Variants in B3GALT6 observed in about 807,000 individuals in gnomAD.
B3GALT6 encodes the protein beta-1,3-galactosyltransferase 6, also known as GAG GalTII.
A neutral mutation model predicts 23.3 loss-of-function variants in B3GALT6; 27 were observed. That is an observed-to-expected ratio of 1.16 (90% CI 0.85 to 1.60). The LOEUF (loss-of-function observed/expected upper bound fraction) is 1.60. Ranked by LOEUF, B3GALT6 falls within the 40% of genes most tolerant of loss-of-function variation. The probability of loss-of-function intolerance (pLI) is 0.00; values close to 1 mark genes in which losing one functional copy is unlikely to be tolerated. For synonymous variants in B3GALT6, 313 were observed against 232.3 expected, an observed-to-expected ratio of 1.35 and a Z score of -3.16; for missense variants, 554 against 471.1, an observed-to-expected ratio of 1.18 and a Z score of -1.63.
rs927530328 is a variant in B3GALT6, at chr1:1,233,289, C to T, written c.*21C>T. ...CCTGAGCCGCCGCGGCCCGGCCCTC[C>T]GGGACACCTGCTTCACCCGGCGGCG... On this transcript the variant is annotated 3_prime_UTR_variant, in exon 1 of 1. Coordinates refer to ENST00000379198, the MANE Select transcript of B3GALT6 (RefSeq NM_080605.4). 1.8e-5 allele frequency: 25 copies of T among 1,417,860 alleles called. No individual in the cohort carries two copies. In the African/African-American group the frequency reaches 2.3e-4, roughly 13 times the overall value. 87.8% of individuals were successfully genotyped at this position (1,417,860 alleles called of 1,614,324 possible).
rs867336520 is a variant in B3GALT6, at chr1:1,232,387, G to A, written c.109G>A (p.Gly37Arg). ...LYLARCAAEP[G>R]DPRAMSGRSP... ...CCTGGCGCGCTGCGCGGCCGAGCCC[G>A]GGGACCCCAGGGCGATGTCGGGCCG... Residue 37 changes from glycine (G) to arginine (R), a missense_variant, in exon 1 of 1, where the codon GGG becomes AGG. Transcript: ENST00000379198. 8.8e-4 allele frequency: 865 copies of A among 986,318 alleles called. 6 individuals carry two copies. The African/African-American group carries it at 0.014, about 16-fold the overall frequency. 61.1% of individuals were successfully genotyped at this position (986,318 alleles called of 1,614,324 possible).
In B3GALT6 at chr1:1,233,569, C is replaced by G. The variant is rs1260572769; in HGVS notation, c.*301C>G. Reference sequence around the variant, plus strand: ...GGCTCCGATCTTCCGTGTCTCTTATCAGTGGCGTTTCTCACGTCTGCGTCT... The same window carrying G: ...GGCTCCGATCTTCCGTGTCTCTTATGAGTGGCGTTTCTCACGTCTGCGTCT... On this transcript the variant is annotated 3_prime_UTR_variant, in exon 1 of 1. Coordinates refer to ENST00000379198, the MANE Select transcript of B3GALT6 (RefSeq NM_080605.4). The G allele has an allele frequency of 5.9e-6, 2 of 338,438 alleles. No homozygotes were observed. Among genetic ancestry groups the G allele is most frequent in the Non-Finnish European group, 1.1e-5 (2 of 177,780 alleles). The allele number at this position is 338,438 out of a possible 1,614,324, so 21.0% of individuals were successfully genotyped here.
Position 1,233,483 on chromosome 1 carries a change from C to T in B3GALT6, c.*215C>T, listed in dbSNP as rs2100995299. On this transcript the variant is annotated 3_prime_UTR_variant, in exon 1 of 1. Transcript: ENST00000379198. ...GTGCCCGTTCCTGGACCTCAGCGAGCCTGAGCCGGGCCCGGCCGCACGCTG... is the reference window on the plus strand; with the variant it reads ...GTGCCCGTTCCTGGACCTCAGCGAGTCTGAGCCGGGCCCGGCCGCACGCTG... 1.7e-6 allele frequency: 1 copy of T among 580,028 alleles called. No homozygotes were observed. The highest frequency in any genetic ancestry group is 3.9e-5 in the East Asian group (1 of 25,902). The allele number at this position is 580,028 out of a possible 1,614,324, so 35.9% of individuals were successfully genotyped here. A position where few individuals can be genotyped will look rare whatever the true frequency, so the allele number is the denominator to read the frequency against.
At position 1,232,446 on chromosome 1, in the gene B3GALT6, C is replaced by A. The variant is rs1570498036; in HGVS notation, c.168C>A (p.Ala56=). Residue 56 remains alanine (A), a synonymous_variant, in exon 1 of 1, where the codon GCC becomes GCA. Coordinates refer to ENST00000379198, the MANE Select transcript of B3GALT6 (RefSeq NM_080605.4). The stretch of plus-strand genomic sequence containing the variant: ...CTCCCCCCGCGCCCGCGCGCGCCGC[C>A]GCCTTCCTGGCAGTGCTGGTGGCCA... ...SPPPPAPARA[A]AFLAVLVASA... The A allele has an allele frequency of 7.0e-6, 7 of 999,744 alleles. No individual in the cohort carries two copies. The highest frequency in any genetic ancestry group is 8.3e-6 in the Non-Finnish European group (7 of 841,080). The allele number at this position is 999,744 out of a possible 1,614,324, so 61.9% of individuals were successfully genotyped here. A position where few individuals can be genotyped will look rare whatever the true frequency, so the allele number is the denominator to read the frequency against.
rs568093524 is a variant in B3GALT6 at position 1,233,741 on chromosome 1, G to A, written c.*473G>A. 8.4e-4 allele frequency: 143 copies of A among 171,134 alleles called. No individual in the cohort carries two copies. Among genetic ancestry groups the A allele is most frequent in the African/African-American group, 3.2e-3 (133 of 41,740 alleles). 10.6% of individuals were successfully genotyped at this position (171,134 alleles called of 1,614,324 possible). On this transcript the variant is annotated 3_prime_UTR_variant, in exon 1 of 1. Transcript: ENST00000379198. ...GTCGATGAGTGTAAGTTGGCAGTGCGCACGTCTCGGTTTTTTTACATGATT... is the reference window on the plus strand; with the variant it reads ...GTCGATGAGTGTAAGTTGGCAGTGCACACGTCTCGGTTTTTTTACATGATT...
chr1:1,232,968 C>A lies in B3GALT6; in HGVS notation c.690C>A (p.Leu230=). The A allele has an allele frequency of 6.4e-7, 1 of 1,563,394 alleles. No homozygotes were observed. Among genetic ancestry groups the A allele is most frequent in the East Asian group, 2.4e-5 (1 of 42,376 alleles). The part of the protein sequence containing the change: ...LSADLVHYLR[L]SRDYLRAWHS... ...CCGACCTGGTGCACTACCTGCGCCT[C>A]AGCCGCGACTACCTGCGCGCCTGGC... Residue 230 remains leucine (L), a synonymous_variant, in exon 1 of 1, where the codon CTC becomes CTA. Transcript: ENST00000379198.
rs868213499 is a variant in B3GALT6, at chr1:1,232,564, G to A, written c.286G>A (p.Val96Met). The A allele has an allele frequency of 1.4e-5, 16 of 1,180,260 alleles. No homozygotes were observed. Among genetic ancestry groups the A allele is most frequent in the Non-Finnish European group, 1.6e-5 (15 of 955,342 alleles). 73.1% of individuals were successfully genotyped at this position (1,180,260 alleles called of 1,614,324 possible). A position where few individuals can be genotyped will look rare whatever the true frequency, so the allele number is the denominator to read the frequency against. ...GGGCGACGTGTGGGCGCGCTTTGCC[G>A]TGGGCACGGCCGGCCTGGGCGCCGA... The part of the protein sequence containing the change: ...APGDVWARFA[V>M]GTAGLGAEER... Residue 96 changes from valine to methionine, a missense_variant, in exon 1 of 1, where the codon GTG (valine) becomes ATG (methionine). Coordinates refer to ENST00000379198, the MANE Select transcript of B3GALT6 (RefSeq NM_080605.4).
chr1:1,233,484 C>T lies in B3GALT6; in HGVS notation c.*216C>T, dbSNP rs1331963551. On this transcript the variant is annotated 3_prime_UTR_variant, in exon 1 of 1. Transcript: ENST00000379198. ...TGCCCGTTCCTGGACCTCAGCGAGC[C>T]TGAGCCGGGCCCGGCCGCACGCTGA... The T allele has an allele frequency of 1.8e-6, 1 of 570,384 alleles. No individual in the cohort carries two copies. Among genetic ancestry groups the T allele is most frequent in the Non-Finnish European group, 2.8e-6 (1 of 361,340 alleles). 35.3% of individuals were successfully genotyped at this position (570,384 alleles called of 1,614,324 possible). A position where few individuals can be genotyped will look rare whatever the true frequency, so the allele number is the denominator to read the frequency against.
At position 1,234,287 on chromosome 1, in the gene B3GALT6, C is replaced by G. The variant is rs1163661066; in HGVS notation, c.*1019C>G. On this transcript the variant is annotated 3_prime_UTR_variant, in exon 1 of 1. Transcript: ENST00000379198. ...CCGGGTCCAGTCTGGGGTCTAGTCT[C>G]GAGCATCAGGGTCAGGCTCGGGGCA... 1.2e-5 allele frequency: 2 copies of G among 166,884 alleles called. No homozygotes were observed. Among genetic ancestry groups the G allele is most frequent in the East Asian group, 3.8e-4 (2 of 5,202 alleles). 10.3% of individuals were successfully genotyped at this position (166,884 alleles called of 1,614,324 possible).
chr1:1,233,150 C>T lies in B3GALT6; in HGVS notation c.872C>T (p.Ala291Val). 1 of 1,551,632 alleles carries T rather than the reference C, an allele frequency of 6.4e-7. No individual in the cohort carries two copies. The highest frequency in any genetic ancestry group is 2.4e-5 in the East Asian group (1 of 41,594). ...QSLEDMLEKHATLAREGRLCK... is the reference protein window; with the variant it reads ...QSLEDMLEKHVTLAREGRLCK... Reference sequence around the variant, plus strand: ...CTGGAGGACATGCTGGAGAAGCACGCGACGCTGGCGCGCGAGGGCCGCCTG... The same window carrying T: ...CTGGAGGACATGCTGGAGAAGCACGTGACGCTGGCGCGCGAGGGCCGCCTG... The change falls in exon 1 of 1, where the codon GCG becomes GTG. Residue 291 changes from alanine to valine, a missense_variant. Physicochemically the swap from Ala to Val is moderately conservative, Grantham distance 64. Transcript: ENST00000379198.
Position 1,232,799 on chromosome 1 carries a change from A to AGCCCGCGC in B3GALT6, c.525_532dup (p.Arg178ProfsTer103), listed in dbSNP as rs2100994081. 7.4e-7 allele frequency: 1 copy of AGCCCGCGC among 1,350,872 alleles called. No homozygotes were observed. The highest frequency in any genetic ancestry group is 9.5e-7 in the Non-Finnish European group (1 of 1,058,026). 83.7% of individuals were successfully genotyped at this position (1,350,872 alleles called of 1,614,324 possible). A position where few individuals can be genotyped will look rare whatever the true frequency, so the allele number is the denominator to read the frequency against. On this transcript the variant is annotated frameshift_variant, in exon 1 of 1. Transcript: ENST00000379198. LOFTEE classifies it high-confidence loss of function. Reference sequence around the variant, plus strand: ...CTGCTGGCCGAGCTGCGCGCCCGCGAGCCCGCGCGCCGCCGCCGCCTCTAC... The same window carrying AGCCCGCGC: ...CTGCTGGCCGAGCTGCGCGCCCGCGAGCCCGCGCGCCCGCGCGCCGCCGCCGCCTCTAC...
At position 1,233,235 on chromosome 1, in the gene B3GALT6, G is replaced by T. The variant is rs914725170; in HGVS notation, c.957G>T (p.Ser319=). The T allele has an allele frequency of 3.3e-6, 5 of 1,493,360 alleles. No individual in the cohort carries two copies. Among genetic ancestry groups the T allele is most frequent in the Admixed American group, 2.2e-5 (1 of 45,886 alleles). 92.5% of individuals were successfully genotyped at this position (1,493,360 alleles called of 1,614,324 possible). A position where few individuals can be genotyped will look rare whatever the true frequency, so the allele number is the denominator to read the frequency against. ...TGTACGACTGGTCCGCGCCGCCCTC[G>T]CAGTGCTGCCAGAGAAGGGAGGGCA... The part of the protein sequence containing the change: ...SYVYDWSAPP[S]QCCQRREGIP The change falls in exon 1 of 1, where the codon TCG becomes TCT. Residue 319 remains serine, a synonymous_variant. Transcript: ENST00000379198.
rs753612969 is a variant in B3GALT6 at position 1,232,926 on chromosome 1, C to G, written c.648C>G (p.Gly216=). Reference sequence around the variant, plus strand: ...ACTACCTGCCCTACGCGCTGGGCGGCGGCTACGTGCTCTCGGCCGACCTGG... The same window carrying G: ...ACTACCTGCCCTACGCGCTGGGCGGGGGCTACGTGCTCTCGGCCGACCTGG... The part of the protein sequence containing the change: ...CDYYLPYALG[G]GYVLSADLVH... The change falls in exon 1 of 1, where the codon GGC becomes GGG. Residue 216 remains glycine, a synonymous_variant. Transcript: ENST00000379198. 3 of 1,563,278 alleles carry G rather than the reference C, an allele frequency of 1.9e-6. No homozygotes were observed. The South Asian group carries it at 3.5e-5, about 18-fold the overall frequency.
chr1:1,232,349 C>T lies in B3GALT6; in HGVS notation c.71C>T (p.Ala24Val), dbSNP rs1334410069. 2 of 985,048 alleles carry T rather than the reference C, an allele frequency of 2.0e-6. No individual in the cohort carries two copies. Among genetic ancestry groups the T allele is most frequent in the Non-Finnish European group, 2.4e-6 (2 of 831,140 alleles). The allele number at this position is 985,048 out of a possible 1,614,324, so 61.0% of individuals were successfully genotyped here. ...CTGGGCACGCTGGCGCTGTGCGGGG[C>T]GGCGCTGCTCTACCTGGCGCGCTGC... The part of the protein sequence containing the change: ...LGLGTLALCG[A>V]ALLYLARCAA... Residue 24 changes from alanine (A) to valine (V), a missense_variant, in exon 1 of 1, where the codon GCG becomes GTG. Transcript: ENST00000379198.
rs1477588407 is a variant in B3GALT6, at chr1:1,233,230, C to T, written c.952C>T (p.Pro318Ser). ...LSYVYDWSAP[P>S]SQCCQRREGI... The stretch of plus-strand genomic sequence containing the variant: ...CTACGTGTACGACTGGTCCGCGCCG[C>T]CCTCGCAGTGCTGCCAGAGAAGGGA... The change falls in exon 1 of 1, where the codon CCC (proline) becomes TCC (serine). Residue 318 changes from proline to serine, a missense_variant. Coordinates refer to ENST00000379198, the MANE Select transcript of B3GALT6 (RefSeq NM_080605.4). 2.0e-6 allele frequency: 3 copies of T among 1,499,722 alleles called. No homozygotes were observed. Among genetic ancestry groups the T allele is most frequent in the Non-Finnish European group, 1.8e-6 (2 of 1,124,992 alleles). 92.9% of individuals were successfully genotyped at this position (1,499,722 alleles called of 1,614,324 possible). A position where few individuals can be genotyped will look rare whatever the true frequency, so the allele number is the denominator to read the frequency against.
At position 1,233,959 on chromosome 1, in the gene B3GALT6, T is replaced by A. The variant is rs1638599929; in HGVS notation, c.*691T>A. ...GGTCCGCGCCACACAGGGCCGGTGC[T>A]GCTTTATTTCAGACTCTGCCCCAGG... On this transcript the variant is annotated 3_prime_UTR_variant, in exon 1 of 1. Coordinates refer to ENST00000379198, the MANE Select transcript of B3GALT6 (RefSeq NM_080605.4). 6.0e-6 allele frequency: 1 copy of A among 166,852 alleles called. No individual in the cohort carries two copies. The highest frequency in any genetic ancestry group is 1.5e-5 in the Non-Finnish European group (1 of 68,116). The allele number at this position is 166,852 out of a possible 1,614,324, so 10.3% of individuals were successfully genotyped here.
rs1256336773 is a variant in B3GALT6, at chr1:1,232,830, C to T, written c.552C>T (p.Gly184=). 6.9e-6 allele frequency: 10 copies of T among 1,448,820 alleles called. No homozygotes were observed. Among genetic ancestry groups the T allele is most frequent in the South Asian group, 1.4e-5 (1 of 69,722 alleles). 89.7% of individuals were successfully genotyped at this position (1,448,820 alleles called of 1,614,324 possible). A position where few individuals can be genotyped will look rare whatever the true frequency, so the allele number is the denominator to read the frequency against. Residue 184 remains glycine, a synonymous_variant, in exon 1 of 1, where the codon GGC becomes GGT. Transcript: ENST00000379198. ...CGCGCCGCCGCCGCCTCTACTGGGGCTTCTTCTCGGGCCGCGGCCGCGTCA... is the reference window on the plus strand; with the variant it reads ...CGCGCCGCCGCCGCCTCTACTGGGGTTTCTTCTCGGGCCGCGGCCGCGTCA... ...EPARRRRLYW[G]FFSGRGRVKP... is the part of the protein sequence containing the mutation.
Position 1,233,894 on chromosome 1 carries a change from GTTTC to G in B3GALT6, c.*632_*635del, listed in dbSNP as rs1638598242. 6.0e-6 allele frequency: 1 copy of G among 166,798 alleles called. No homozygotes were observed. The highest frequency in any genetic ancestry group is 2.1e-4 in the South Asian group (1 of 4,812). 10.3% of individuals were successfully genotyped at this position (166,798 alleles called of 1,614,324 possible). ...CAGTGTACAAGTCACTGAACCCATT[GTTTC>G]TTTCTGAAGAGACTTTCCTTTCAAG... On this transcript the variant is annotated 3_prime_UTR_variant, in exon 1 of 1. Coordinates refer to ENST00000379198, the MANE Select transcript of B3GALT6 (RefSeq NM_080605.4).
chr1:1,233,506 C>G lies in B3GALT6; in HGVS notation c.*238C>G, dbSNP rs889634065. On this transcript the variant is annotated 3_prime_UTR_variant, in exon 1 of 1. Transcript: ENST00000379198. Reference sequence around the variant, plus strand: ...AGCCTGAGCCGGGCCCGGCCGCACGCTGACCCCCGTGCTGTCCCCGACCGG... The same window carrying G: ...AGCCTGAGCCGGGCCCGGCCGCACGGTGACCCCCGTGCTGTCCCCGACCGG... 1 of 464,554 alleles carries G rather than the reference C, an allele frequency of 2.2e-6. No individual in the cohort carries two copies. The highest frequency in any genetic ancestry group is 3.7e-6 in the Non-Finnish European group (1 of 267,340). The allele number at this position is 464,554 out of a possible 1,614,324, so 28.8% of individuals were successfully genotyped here.
Sources: gnomAD v4.1 joint callset for allele counts on GRCh38, gnomAD v4.1.1 for gene constraint, MANE v1.5 for transcripts, NCBI Gene and HGNC (gene_info 2026-07-23, HGNC 2026-07-21) for gene names.